TG: variants seen among roughly 807,000 people sequenced by gnomAD.
The protein encoded by TG is thyroid hormones.
TG carries 270 observed loss-of-function variants against 324.7 expected under a neutral mutation model. That is an observed-to-expected ratio of 0.83 (90% confidence interval 0.75 to 0.92). The LOEUF is 0.92. Among genes scored for constraint, TG ranks in the 40% least tolerant of loss-of-function variants. The pLI, the probability that TG is intolerant of heterozygous loss-of-function variation, is 0.00. For missense variants in TG, 3,591 were observed against 3,456.4 expected, an observed-to-expected ratio of 1.04 and a Z score of -0.98; for synonymous variants, 1,401 against 1,327.0, an observed-to-expected ratio of 1.06 and a Z score of -1.21.
At chr8:132,975,498 C>A (rs1830067888) in intron 34 of TG, among the ~76,000 whole-genome samples, 1 of 152,172 alleles carries the variant, frequency 6.6e-6, no homozygotes, top group Non-Finnish European at 1.5e-5. Context: ...TGGGGTCAGT[C>A]TGGGGACTCG....
At chr8:132,998,270 G>A (rs1232002867) in intron 35 of TG, among the ~76,000 whole-genome samples, 3 of 152,238 alleles carry the variant, frequency 2.0e-5, no homozygotes, top group Admixed American at 6.5e-5. Flanking sequence ...CAGAGGTCAG[G>A]CACTGGCTGA....
chr8:133,029,150 G>A (rs920941421), intron 40 of TG, among the ~76,000 whole-genome samples: 2 of 152,056 alleles, frequency 1.3e-5, no homozygotes, highest in African/African-American at 4.8e-5. Flanking sequence ...ACAAGACAAC[G>A]AGAAGTGTAT....
At chr8:132,980,784 G>A (rs948100635) in intron 34 of TG, among the ~76,000 whole-genome samples, 1 of 151,898 alleles carries the variant, frequency 6.6e-6, no homozygotes, top group Non-Finnish European at 1.5e-5. Flanking sequence ...TTGGTGTGGG[G>A]GCAAAAAACC....
intron 33 of TG, 25 bp from the exon 34 acceptor site, chr8:132,972,573 T>C (rs753716419): frequency 6.5e-7 from 1 of 1,545,590 alleles, no homozygotes; most frequent in Non-Finnish European, 8.8e-7. Flanking sequence ...ATTGTGGTTT[T>C]TTGTTTTTTT....
chr8:133,007,889 A>C (rs1007537796), intron 35 of TG, among the ~76,000 whole-genome samples: 2 of 151,976 alleles, frequency 1.3e-5, no homozygotes, highest in African/African-American at 2.4e-5. Context: ...ACTCAGGGTC[A>C]GTAAAGGGGA....
At position 132,966,618 on chromosome 8, in the gene TG, T is replaced by C. The variant is rs1179840433; in HGVS notation, c.5607T>C (p.Asn1869=). The stretch of plus-strand genomic sequence containing the variant: ...TCAACCAGGTCATTGTCAATGGAAA[T>C]CAATCACTATCCAGCCAGAAGCACT... ...VDLNQVIVNG[N]QSLSSQKHWL... The change falls in exon 30 of 48, where the codon AAT becomes AAC. Residue 1869 remains asparagine, a synonymous_variant. Transcript: ENST00000220616. 2.5e-6 allele frequency: 4 copies of C among 1,613,988 alleles called. No individual in the cohort carries two copies. Among genetic ancestry groups the C allele is most frequent in the Non-Finnish European group, 2.5e-6 (3 of 1,180,004 alleles).
rs745792524 is a variant in TG at position 132,886,563 on chromosome 8, C to G, written c.1191C>G (p.Ala397=). 1.2e-6 allele frequency: 2 copies of G among 1,614,208 alleles called. No homozygotes were observed. The highest frequency in any genetic ancestry group is 1.7e-6 in the Non-Finnish European group (2 of 1,180,032). The change falls in exon 9 of 48, where the codon GCC becomes GCG. Residue 397 remains alanine (A), a synonymous_variant. Transcript: ENST00000220616. ...TCTCTTCCCCAGAGAAAAGATGGGC[C>G]TCTCCAAGAGTAGCCAGATTTGCCA... ...DLFSSPEKRW[A]SPRVARFATS...
At chr8:132,991,362 A>T (rs1159788903) in intron 35 of TG, among the ~76,000 whole-genome samples, 1 of 152,036 alleles carries the variant, frequency 6.6e-6, no homozygotes, top group Non-Finnish European at 1.5e-5. Context: ...TCTTACTACT[A>T]TAGGCACTGG....
At chr8:132,930,318 G>A (rs948864036) in intron 23 of TG, among the ~76,000 whole-genome samples, 1 of 152,188 alleles carries the variant, frequency 6.6e-6, no homozygotes, top group African/African-American at 2.4e-5. Context: ...GACAGCTTTG[G>A]CAGTTATTTG....
intron 37 of TG, 34 bp downstream of exon 37, chr8:133,013,798 G>C: frequency 2.5e-6 from 4 of 1,598,378 alleles, no homozygotes; most frequent in Non-Finnish European, 3.4e-6. Flanking sequence ...CAGCCATCCT[G>C]GGAAACTGGG....
At chr8:132,896,885 G>A (rs778388817) in intron 11 of TG, among the ~76,000 whole-genome samples, 83 of 152,332 alleles carry the variant, frequency 5.4e-4, no homozygotes, top group Non-Finnish European at 1.1e-3. Flanking sequence ...GGAAAGCCAT[G>A]TGCAAAGCCC....
Position 132,929,083 on chromosome 8 carries a change from G to A in TG, c.4707G>A (p.Gln1569=). Residue 1569 remains glutamine, a synonymous_variant, in exon 23 of 48, where the codon CAG becomes CAA. Coordinates refer to ENST00000220616, the MANE Select transcript of TG (RefSeq NM_003235.5). The stretch of plus-strand genomic sequence containing the variant: ...AATCTGCTTTATTTTTAGTGATGCA[G>A]AAGTTTGAGAAGGTTCCAGAATCAA... The part of the protein sequence containing the change: ...PLEDSQCLMM[Q]KFEKVPESKV... 1 of 1,613,798 alleles carries A rather than the reference G, an allele frequency of 6.2e-7. No homozygotes were observed.
rs1290188935 is a variant in TG at position 132,888,487 on chromosome 8, G to T, written c.2680G>T (p.Asp894Tyr). ...SDFSTPLAHF[D>Y]LRNCWCVDEA... ...CTTCAGCACTCCTTTGGCACATTTT[G>T]ATCTTCGGAACTGCTGGTGTGTGGA... is the stretch of plus-strand genomic sequence containing the variant. The change falls in exon 10 of 48, where the codon GAT becomes TAT. Residue 894 changes from aspartate (D) to tyrosine (Y), a missense_variant. By Grantham distance (160) the Asp-to-Tyr change is radical. Transcript: ENST00000220616. 43 of 1,610,110 alleles carry T rather than the reference G, an allele frequency of 2.7e-5. No homozygotes were observed. Among genetic ancestry groups the T allele is most frequent in the Non-Finnish European group, 3.6e-5 (43 of 1,178,218 alleles).
chr8:133,098,626 G>A (rs1436594493), intron 43 of TG, among the ~76,000 whole-genome samples: 2 of 152,196 alleles, frequency 1.3e-5, no homozygotes, highest in Admixed American at 6.5e-5. Flanking sequence ...AAGAGAGGAA[G>A]AACTAATTTT....
At chr8:132,935,972 C>T in intron 25 of TG, 108 bp downstream of exon 25, 1 of 815,422 alleles carries the variant, frequency 1.2e-6, no homozygotes, top group Non-Finnish European at 2.1e-6. Flanking sequence ...TGTCCCGCTC[C>T]CCACTCCACA....
intron 34 of TG, among the ~76,000 whole-genome samples, chr8:132,982,748 A>C (rs10105189): frequency 0.58 from 88,206 of 152,006 alleles, 26,864 homozygotes; most frequent in African/African-American, 0.73. Flanking sequence ...GTAGTACTAA[A>C]CTCATTGTAC....
At chr8:132,933,825 C>G in intron 24 of TG, 149 bp downstream of exon 24, 1 of 759,676 alleles carries the variant, frequency 1.3e-6, no homozygotes, top group Non-Finnish European at 2.3e-6. Flanking sequence ...AGCAATGGGA[C>G]TTTGGCAAAT....
At chr8:132,951,260 G>T (rs981638312) in intron 27 of TG, among the ~76,000 whole-genome samples, 6 of 152,144 alleles carry the variant, frequency 3.9e-5, no homozygotes, top group South Asian at 2.1e-4. Context: ...CATAGAAAAA[G>T]ATATATATAT....
In TG at chr8:132,873,161, A is replaced by G; in HGVS notation, c.578A>G (p.Gln193Arg). The stretch of plus-strand genomic sequence containing the variant: ...GCGGAGGGAGAGTTTATGCCTGTCC[A>G]GTGCAAATTTGTCAACACCACAGAC... ...CSAEGEFMPV[Q>R]CKFVNTTDMM... is the part of the protein sequence containing the mutation. Residue 193 changes from glutamine (Q) to arginine (R), a missense_variant, in exon 5 of 48, where the codon CAG becomes CGG. Coordinates refer to ENST00000220616, the MANE Select transcript of TG (RefSeq NM_003235.5). 1 of 1,614,152 alleles carries G rather than the reference A, an allele frequency of 6.2e-7. No homozygotes were observed. Among genetic ancestry groups the G allele is most frequent in the Non-Finnish European group, 8.5e-7 (1 of 1,180,038 alleles).
Sources: gnomAD v4.1 joint callset for allele counts (sites outside exome capture counted in the v4.1 genomes callset) on GRCh38, gnomAD v4.1.1 for gene constraint, MANE v1.5 for transcripts, NCBI Gene and HGNC (gene_info 2026-07-23, HGNC 2026-07-21) for gene names.